The following CTNND2 variants were observed in gnomAD, a reference collection of about 807,000 sequenced individuals.
CTNND2 encodes the protein catenin delta-2.
Under a neutral mutation model 144.4 loss-of-function variants are expected in CTNND2, and 22 were observed. The ratio of observed to expected loss-of-function variants is 0.15; its 90% CI spans 0.11 to 0.22. The LOEUF (loss-of-function observed/expected upper bound fraction) is 0.22, where lower values mean the gene tolerates loss of function less well. Among genes scored for constraint, CTNND2 ranks in the 10% least tolerant of loss-of-function variants. The pLI, the probability that CTNND2 is intolerant of heterozygous loss-of-function variation, is 1.00. For synonymous variants in CTNND2, 751 were observed against 695.6 expected, an observed-to-expected ratio of 1.08 and a Z score of -1.25; for missense variants, 1,353 against 1,618.8, an observed-to-expected ratio of 0.84 and a Z score of 2.82.
chr5:11,790,085 G>C (rs1185616074), intron 1 of CTNND2, among the ~76,000 whole-genome samples: 1 of 152,070 alleles, frequency 6.6e-6, no homozygotes, highest in African/African-American at 2.4e-5. Flanking sequence ...TTTATGCTTC[G>C]AGGATTGAAT....
At chr5:11,181,895 T>A (rs1444791917) in intron 11 of CTNND2, among the ~76,000 whole-genome samples, 1 of 136,408 alleles carries the variant, frequency 7.3e-6, no homozygotes, top group Non-Finnish European at 1.5e-5. Flanking sequence ...TGGATGTGTG[T>A]GGTGTGTATG....
intron 9 of CTNND2, among the ~76,000 whole-genome samples, chr5:11,327,451 T>C (rs573603021): frequency 5.3e-5 from 8 of 152,330 alleles, no homozygotes; most frequent in African/African-American, 1.2e-4. Flanking sequence ...AAAAGGTAAA[T>C]TGTCTTCACA....
intron 3 of CTNND2, among the ~76,000 whole-genome samples, chr5:11,557,224 A>G (rs1039518415): frequency 3.3e-5 from 5 of 152,266 alleles, no homozygotes; most frequent in African/African-American, 1.2e-4. Context: ...AGCAACGTTC[A>G]CTGTTTCAGC....
At chr5:11,546,900 G>A (rs1038492785) in intron 3 of CTNND2, among the ~76,000 whole-genome samples, 7 of 152,124 alleles carry the variant, frequency 4.6e-5, no homozygotes, top group African/African-American at 1.7e-4. Flanking sequence ...GCAGGTATTA[G>A]GAGAGCTACT....
At chr5:11,397,005 G>T in intron 6 of CTNND2, 26 bp downstream of exon 6, 2 of 1,595,752 alleles carry the variant, frequency 1.3e-6, no homozygotes, top group South Asian at 2.2e-5. Flanking sequence ...GGAGTCCACT[G>T]ACACCATACA....
chr5:11,490,975 G>A (rs546022522), intron 3 of CTNND2, among the ~76,000 whole-genome samples: 5 of 152,248 alleles, frequency 3.3e-5, no homozygotes, highest in African/African-American at 7.2e-5. Context: ...GTCACAGAGC[G>A]AGACCTTGTC....
chr5:11,048,919 G>A (rs149415832), intron 16 of CTNND2, among the ~76,000 whole-genome samples: 2,127 of 152,286 alleles, frequency 0.014, 51 homozygotes, highest in African/African-American at 0.048. Flanking sequence ...TTGTGAGGCT[G>A]TCCCATAGCC....
At chr5:11,124,853 T>G (rs1246748916) in intron 12 of CTNND2, among the ~76,000 whole-genome samples, 1 of 152,216 alleles carries the variant, frequency 6.6e-6, no homozygotes, top group African/African-American at 2.4e-5. Flanking sequence ...GGTACAGAAC[T>G]TTCAGCATAT....
chr5:11,396,465 A>G (rs891622971), intron 6 of CTNND2, among the ~76,000 whole-genome samples: 4 of 152,226 alleles, frequency 2.6e-5, no homozygotes, highest in Admixed American at 2.6e-4. Flanking sequence ...TGAAACTGTA[A>G]GATCAAGCAC....
chr5:11,349,613 G>A (rs1580982316), intron 8 of CTNND2, among the ~76,000 whole-genome samples: 1 of 152,150 alleles, frequency 6.6e-6, no homozygotes, highest in South Asian at 2.1e-4. Flanking sequence ...AAACGGTGAG[G>A]CCTGAAACGA....
At chr5:11,490,243 C>CA (rs1769265850) in intron 3 of CTNND2, among the ~76,000 whole-genome samples, 2 of 152,126 alleles carry the variant, frequency 1.3e-5, no homozygotes, top group South Asian at 4.2e-4. Context: ...CAGACGCTGA[C>CA]AGTCAAAGAA....
intron 16 of CTNND2, among the ~76,000 whole-genome samples, chr5:11,024,545 T>G (rs1306558836): frequency 6.6e-6 from 1 of 152,108 alleles, no homozygotes; most frequent in Non-Finnish European, 1.5e-5. Flanking sequence ...CATGAAATGA[T>G]CAATGTGTTC....
At chr5:11,428,714 T>G (rs189977207) in intron 3 of CTNND2, among the ~76,000 whole-genome samples, 19 of 152,360 alleles carry the variant, frequency 1.2e-4, no homozygotes, top group African/African-American at 4.6e-4. Flanking sequence ...CTGCATTTAT[T>G]TCGCTGAATC....
At chr5:11,576,125 G>A (rs191669921) in intron 2 of CTNND2, among the ~76,000 whole-genome samples, 32 of 152,074 alleles carry the variant, frequency 2.1e-4, no homozygotes, top group Non-Finnish European at 3.7e-4. Context: ...TTAATCTGCC[G>A]AGTGATGCAC....
At chr5:11,513,099 C>T (rs552702545) in intron 3 of CTNND2, among the ~76,000 whole-genome samples, 1 of 152,234 alleles carries the variant, frequency 6.6e-6, no homozygotes, top group Admixed American at 6.5e-5. Context: ...TGCATCAGAG[C>T]CCCACTGCCA....
chr5:11,325,623 C>A lies in CTNND2; in HGVS notation c.1628+20749G>T, dbSNP rs529370122. Among the ~76,000 whole-genome samples, 8 of 151,924 alleles carry A rather than the reference C, an allele frequency of 5.3e-5. No homozygotes were observed. The East Asian group carries it at 1.4e-3, about 26-fold the overall frequency. ...AAGATAAAATTCTAAGCCCTCCAAC[C>A]GACTGAACTGACCTCCTCTTGGTCA... On this transcript the variant is annotated intron_variant, in intron 9 of 21. Coordinates refer to ENST00000304623, the MANE Select transcript of CTNND2 (RefSeq NM_001332.4).
intron 9 of CTNND2, among the ~76,000 whole-genome samples, chr5:11,334,816 C>A (rs1007893935): frequency 1.4e-4 from 21 of 152,220 alleles, no homozygotes; most frequent in African/African-American, 4.8e-4. Flanking sequence ...CTAAAGAGGC[C>A]CCCAAACTAA....
intron 1 of CTNND2, among the ~76,000 whole-genome samples, chr5:11,806,812 T>C (rs916829956): frequency 3.3e-5 from 5 of 152,066 alleles, no homozygotes; most frequent in Non-Finnish European, 7.4e-5. Context: ...TTGATGATCA[T>C]GAATAATTGA....
intron 3 of CTNND2, among the ~76,000 whole-genome samples, chr5:11,494,037 G>A (rs536197977): frequency 6.6e-6 from 1 of 152,170 alleles, no homozygotes; most frequent in African/African-American, 2.4e-5. Context: ...TTAAAAAATG[G>A]TAGAATTTGG....
Sources: allele counts gnomAD v4.1 joint callset (sites outside exome capture counted in the v4.1 genomes callset), GRCh38; gene constraint gnomAD v4.1.1; transcripts MANE v1.5; gene names NCBI Gene and HGNC (gene_info 2026-07-23, HGNC 2026-07-21).